Variants in TTLL11 observed in about 807,000 individuals in gnomAD.
TTLL11 encodes the protein tubulin tyrosine ligase like 11, also known as tubulin polyglutamylase TTLL11.
In TTLL11, 42 loss-of-function variants were observed where a neutral mutation model predicts 51.7. The observed-to-expected ratio is 0.81, with a 90% CI of 0.64 to 1.05. TTLL11 has a LOEUF of 1.05. Among genes scored for constraint, TTLL11 ranks in the 50% least tolerant of loss-of-function variants. The probability of loss-of-function intolerance (pLI) is 0.00; values close to 1 mark genes in which losing one functional copy is unlikely to be tolerated. For synonymous variants in TTLL11, 381 were observed against 383.5 expected (o/e 0.99, Z 0.08); for missense variants, 799 against 940.4 (o/e 0.85, Z 1.97).
intron 8 of TTLL11, among the ~76,000 whole-genome samples, chr9:121,842,018 C>T (rs1035254729): frequency 3.9e-5 from 6 of 152,138 alleles, no homozygotes; most frequent in Non-Finnish European, 7.3e-5. Context: ...TGCCTGCCTT[C>T]TTCCACCTCT....
chr9:121,865,005 T>C, intron 7 of TTLL11, among the ~76,000 whole-genome samples: 1 of 152,152 alleles, frequency 6.6e-6, no homozygotes, highest in East Asian at 1.9e-4. Context: ...AAATGATCAA[T>C]ATTTATTTTT....
intron 6 of TTLL11, among the ~76,000 whole-genome samples, chr9:121,888,647 C>A (rs1588097153): frequency 6.6e-6 from 1 of 152,208 alleles, no homozygotes; most frequent in Non-Finnish European, 1.5e-5. Flanking sequence ...ATTACTGAAG[C>A]CTGCACAAAG....
At position 121,890,613 on chromosome 9, in the gene TTLL11, A is replaced by C. The variant is rs1223691719; in HGVS notation, c.1482-19865T>G. Among the ~76,000 whole-genome samples, 1 of 151,950 alleles carries C rather than the reference A, an allele frequency of 6.6e-6. No individual in the cohort carries two copies. The highest frequency in any genetic ancestry group is 1.5e-5 in the Non-Finnish European group (1 of 68,010). On this transcript the variant is annotated intron_variant, in intron 6 of 8. Transcript: ENST00000321582. This position sits in a 1 kb window ranked among gnomAD's most constrained non-coding sequence, Gnocchi z 4.3. ...CTCATCACCACTCATCACAGTATAG[A>C]TTTTACTCATTTATTTTGTTTATTT...
intron 6 of TTLL11, among the ~76,000 whole-genome samples, chr9:121,923,472 T>G (rs1814919389): frequency 6.6e-6 from 1 of 151,998 alleles, no homozygotes; most frequent in Non-Finnish European, 1.5e-5. Flanking sequence ...ACCATTGTAA[T>G]TTTTGAAAAT....
At chr9:122,005,085 C>T (rs1052364850) in intron 3 of TTLL11, among the ~76,000 whole-genome samples, 4 of 152,162 alleles carry the variant, frequency 2.6e-5, no homozygotes, top group African/African-American at 7.2e-5. Flanking sequence ...CAGGGAGAAA[C>T]GTGTCAACTC....
chr9:121,982,394 T>C (rs536375412), intron 4 of TTLL11, among the ~76,000 whole-genome samples: 36 of 152,248 alleles, frequency 2.4e-4, no homozygotes, highest in South Asian at 8.3e-4. Context: ...AGGTGACATA[T>C]GGACAGGGGC....
chr9:121,919,584 C>T (rs1366845845), intron 6 of TTLL11, among the ~76,000 whole-genome samples: 1 of 152,146 alleles, frequency 6.6e-6, no homozygotes, highest in Admixed American at 6.5e-5. Flanking sequence ...GAGAACAGTT[C>T]AAAGATTCGC....
At chr9:121,826,368 T>C (rs1432893263) in intron 8 of TTLL11, among the ~76,000 whole-genome samples, 2 of 137,118 alleles carry the variant, frequency 1.5e-5, no homozygotes, top group Non-Finnish European at 3.1e-5. Context: ...AAAACCCATA[T>C]ATATATGAGT....
rs768215225 is a variant in TTLL11 at position 121,971,746 on chromosome 9, G to GAAAAAAAAAA, written c.1481+2253_1481+2262dup. ...ACTAAGAAAAATTCCTCTGCCTTGG[G>GAAAAAAAAAA]AAAAAAAAAAAAAAAGAAAATGTGG... On this transcript the variant is annotated intron_variant, in intron 6 of 8. Coordinates refer to ENST00000321582, the MANE Select transcript of TTLL11 (RefSeq NM_001139442.2). Among the ~76,000 whole-genome samples the GAAAAAAAAAA allele has an allele frequency of 6.1e-4, 60 of 97,822 alleles. 2 individuals carry two copies. The highest frequency in any genetic ancestry group is 8.8e-4 in the Non-Finnish European group (42 of 47,510). The allele number at this position is 97,822 out of a possible 152,430, so 64.2% of individuals were successfully genotyped here. A position where few individuals can be genotyped will look rare whatever the true frequency, so the allele number is the denominator to read the frequency against.
At chr9:122,027,846 A>G (rs150407898) in intron 3 of TTLL11, among the ~76,000 whole-genome samples, 219 of 152,362 alleles carry the variant, frequency 1.4e-3, no homozygotes, top group African/African-American at 5.0e-3. Flanking sequence ...AATAGTAAAT[A>G]CATGAGTGAG....
chr9:121,907,978 C>A, intron 6 of TTLL11, among the ~76,000 whole-genome samples: 1 of 152,088 alleles, frequency 6.6e-6, no homozygotes, highest in East Asian at 1.9e-4. Context: ...AGTTACTTAG[C>A]CTTTCTGGGG....
intron 4 of TTLL11, chr9:121,988,897 T>C (rs886631808): frequency 9.1e-6 from 5 of 546,994 alleles, no homozygotes; most frequent in Non-Finnish European, 1.2e-5. Flanking sequence ...AACGAATGAA[T>C]GTAAAACTCT....
At chr9:121,865,196 C>T (rs1258496168) in intron 7 of TTLL11, among the ~76,000 whole-genome samples, 1 of 152,138 alleles carries the variant, frequency 6.6e-6, no homozygotes, top group African/African-American at 2.4e-5. Context: ...AGCAAGGCCC[C>T]TTACGCTCCT....
At chr9:121,917,547 A>AG (rs1564304013) in intron 6 of TTLL11, among the ~76,000 whole-genome samples, 55 of 134,848 alleles carry the variant, frequency 4.1e-4, no homozygotes, top group African/African-American at 1.9e-3. Context: ...GGAAGGAAGA[A>AG]AAAGAAAAAG....
chr9:121,999,962 C>T (rs1843411270), intron 3 of TTLL11, among the ~76,000 whole-genome samples: 1 of 152,310 alleles, frequency 6.6e-6, no homozygotes, highest in African/African-American at 2.4e-5. Flanking sequence ...GTCCACATAT[C>T]AGTTCCTAGA....
intron 6 of TTLL11, among the ~76,000 whole-genome samples, chr9:121,944,344 CT>C (rs1023683677): frequency 9.2e-5 from 14 of 152,202 alleles, no homozygotes; most frequent in African/African-American, 3.4e-4. Context: ...CCCGCCTCCA[CT>C]AAAAACACAA....
rs1010096774 is a variant in TTLL11, at chr9:121,984,556, G to A, written c.1269+4639C>T. On this transcript the variant is annotated intron_variant, in intron 4 of 8. Coordinates refer to ENST00000321582, the MANE Select transcript of TTLL11 (RefSeq NM_001139442.2). Reference sequence around the variant, plus strand: ...GCCAGGGTTAGCCCAAACCCAGGCCGTCTAAGAACCAAATCCAAGCCCTTG... The same window carrying A: ...GCCAGGGTTAGCCCAAACCCAGGCCATCTAAGAACCAAATCCAAGCCCTTG... Among the ~76,000 whole-genome samples the A allele has an allele frequency of 5.9e-5, 9 of 152,168 alleles. No individual in the cohort carries two copies. The East Asian group carries it at 1.2e-3, about 20-fold the overall frequency.
intron 6 of TTLL11, among the ~76,000 whole-genome samples, chr9:121,910,002 C>G (rs1840061038): frequency 6.6e-6 from 1 of 152,152 alleles, no homozygotes; most frequent in Non-Finnish European, 1.5e-5. Flanking sequence ...CGATTTTCCC[C>G]CATAACCTCG....
intron 1 of TTLL11, among the ~76,000 whole-genome samples, chr9:122,063,822 C>G (rs1845498402): frequency 6.6e-6 from 1 of 152,184 alleles, no homozygotes; most frequent in South Asian, 2.1e-4. Flanking sequence ...CCTGGGCAAA[C>G]CAGGACAGCT....
Sources: gnomAD v4.1 joint callset for allele counts (sites outside exome capture counted in the v4.1 genomes callset) on GRCh38, gnomAD v4.1.1 for gene constraint, Gnocchi (gnomAD v3.1) non-coding constraint, MANE v1.5 for transcripts, NCBI Gene and HGNC (gene_info 2026-07-23, HGNC 2026-07-21) for gene names.